NHSL2: variants seen among roughly 807,000 people sequenced by gnomAD.
NHSL2 encodes NHS-like protein 2.
A neutral mutation model predicts 53.4 loss-of-function variants in NHSL2; 27 were observed. The ratio of observed to expected loss-of-function variants is 0.51; its 90% CI spans 0.37 to 0.70. The LOEUF is 0.70. Among genes scored for constraint, NHSL2 ranks in the 30% least tolerant of loss-of-function variants. NHSL2 has a pLI of 0.00. For missense variants in NHSL2, 892 were observed against 980.1 expected (o/e 0.91, Z 1.20); for synonymous variants, 408 against 404.1 (o/e 1.01, Z -0.12).
chrX:72,107,237 C>CA (rs2147470845), intron 1 of NHSL2, among the ~76,000 whole-genome samples: 1 of 110,430 alleles, frequency 9.1e-6, no homozygotes, highest in African/African-American at 3.3e-5. Flanking sequence ...TCCTGGCTAA[C>CA]ACGGTGAAAC....
chrX:72,120,688 A>T (rs1321750724), intron 1 of NHSL2, among the ~76,000 whole-genome samples: 3 of 112,271 alleles, frequency 2.7e-5, no homozygotes, highest in Non-Finnish European at 5.6e-5. Context: ...AAGAACATAC[A>T]TATATGTCTT....
At chrX:71,926,744 C>T (rs2147818100) in intron 1 of NHSL2, among the ~76,000 whole-genome samples, 1 of 111,722 alleles carries the variant, frequency 9.0e-6, no homozygotes, top group South Asian at 3.8e-4. Context: ...TCAAATGGTG[C>T]TACTAAGTTC....
Position 72,143,286 on chromosome X carries a change from T to C in NHSL2, c.3390T>C (p.Pro1130=). The change falls in exon 8 of 8, where the codon CCT becomes CCC. Residue 1130 remains proline, a synonymous_variant. Coordinates refer to ENST00000633930, the MANE Select transcript of NHSL2 (RefSeq NM_001013627.3). ...SKRKLLGWKE[P]GEAFVGGRTS... ...GGAAGCTGCTCGGCTGGAAGGAACC[T>C]GGTGAGGCCTTTGTGGGTGGCAGAA... The C allele has an allele frequency of 8.6e-7, 1 of 1,162,529 alleles. No homozygotes were observed. The highest frequency in any genetic ancestry group is 1.1e-6 in the Non-Finnish European group (1 of 870,326).
intron 1 of NHSL2, among the ~76,000 whole-genome samples, chrX:71,938,474 G>A (rs1188381289): frequency 2.7e-5 from 3 of 112,361 alleles, no homozygotes; most frequent in African/African-American, 6.5e-5. Context: ...TGATTGCTCA[G>A]ATATCCAAGG....
chrX:72,130,487 C>T, intron 1 of NHSL2: 1 of 1,211,100 alleles, frequency 8.3e-7, no homozygotes, highest in Non-Finnish European at 1.1e-6. Flanking sequence ...TGCCTGCGTG[C>T]CTCTTGGTCT....
At chrX:72,118,464 C>T (rs777531334) in intron 1 of NHSL2, among the ~76,000 whole-genome samples, 15 of 111,838 alleles carry the variant, frequency 1.3e-4, no homozygotes, top group African/African-American at 4.5e-4. Flanking sequence ...GAGTCTCTGT[C>T]ACCCAGGCTG....
At chrX:72,048,435 A>G (rs1257501189) in intron 1 of NHSL2, among the ~76,000 whole-genome samples, 2 of 110,611 alleles carry the variant, frequency 1.8e-5, no homozygotes, top group African/African-American at 6.6e-5. Context: ...TTGTTTGGGG[A>G]AAAGTGACAG....
At chrX:72,000,668 T>C (rs989132683) in intron 1 of NHSL2, among the ~76,000 whole-genome samples, 3 of 111,164 alleles carry the variant, frequency 2.7e-5, no homozygotes, top group African/African-American at 9.8e-5. Flanking sequence ...AAAGTGGCCA[T>C]TCGAGTCTTT....
intron 1 of NHSL2, among the ~76,000 whole-genome samples, chrX:71,940,283 A>G (rs1367562917): frequency 8.9e-6 from 1 of 112,456 alleles, no homozygotes. Flanking sequence ...GGAGTTAGCT[A>G]CGAGAAATTG....
chrX:71,937,314 G>T (rs770918210), intron 1 of NHSL2, among the ~76,000 whole-genome samples: 1 of 111,694 alleles, frequency 9.0e-6, no homozygotes, highest in Admixed American at 9.5e-5. Flanking sequence ...CTTAGGAAGA[G>T]AAATCAGTAG....
chrX:72,097,943 AAC>A (rs2041956415), intron 1 of NHSL2, among the ~76,000 whole-genome samples: 1 of 112,557 alleles, frequency 8.9e-6, no homozygotes, highest in African/African-American at 3.2e-5. Context: ...GAAAGAAAAA[AAC>A]ACACAGACAC....
intron 1 of NHSL2, among the ~76,000 whole-genome samples, chrX:71,975,623 G>T (rs1387930291): frequency 9.0e-6 from 1 of 111,005 alleles, no homozygotes; most frequent in Non-Finnish European, 1.9e-5. Flanking sequence ...CCTCCTGTTG[G>T]CTCTGAGCTT....
At chrX:71,916,202 A>C (rs1183205816) in intron 1 of NHSL2, among the ~76,000 whole-genome samples, 1 of 111,840 alleles carries the variant, frequency 8.9e-6, no homozygotes, top group Non-Finnish European at 1.9e-5. Flanking sequence ...ACACACCTGC[A>C]TCCTGACTAT....
chrX:71,994,544 C>T (rs974702760), intron 1 of NHSL2, among the ~76,000 whole-genome samples: 6 of 111,279 alleles, frequency 5.4e-5, no homozygotes, highest in African/African-American at 2.0e-4. Flanking sequence ...ACAAAATAAT[C>T]TATACCTCAA....
In NHSL2 at chrX:71,950,131, G is replaced by A. The variant is rs1403704921; in HGVS notation, c.280+38764G>A. Among the ~76,000 whole-genome samples, 3 of 113,395 alleles carry A rather than the reference G, an allele frequency of 2.6e-5. No individual in the cohort carries two copies. The East Asian group carries it at 8.3e-4, about 31-fold the overall frequency. On this transcript the variant is annotated intron_variant, in intron 1 of 7. Coordinates refer to ENST00000633930, the MANE Select transcript of NHSL2 (RefSeq NM_001013627.3). ...CCAGACCTCTGCTCCATCCATCAGAGTATTTTTTTTTCCACCTGGAATCCT... is the reference window on the plus strand; with the variant it reads ...CCAGACCTCTGCTCCATCCATCAGAATATTTTTTTTTCCACCTGGAATCCT...
At chrX:71,921,386 C>T (rs1175430401) in intron 1 of NHSL2, among the ~76,000 whole-genome samples, 2 of 105,099 alleles carry the variant, frequency 1.9e-5, no homozygotes, top group Admixed American at 1.0e-4. Context: ...TGCCATTGCA[C>T]TCCAGCCTGG....
intron 1 of NHSL2, among the ~76,000 whole-genome samples, chrX:72,024,038 T>C (rs765506329): frequency 7.2e-5 from 8 of 111,659 alleles, no homozygotes; most frequent in African/African-American, 6.5e-5. Flanking sequence ...GTCCCAGGCC[T>C]AACACTGCCA....
intron 2 of NHSL2, 86 bp downstream of exon 2, chrX:72,132,320 G>C: frequency 2.3e-6 from 2 of 858,951 alleles, no homozygotes; most frequent in African/African-American, 2.1e-5. Context: ...AGAGGACAGG[G>C]ACCAGCAAGA....
chrX:72,034,870 G>T (rs1166322885), intron 1 of NHSL2, among the ~76,000 whole-genome samples: 1 of 111,289 alleles, frequency 9.0e-6, no homozygotes, highest in Non-Finnish European at 1.9e-5. Context: ...ATGAACTTTT[G>T]TTTCATGGAC....
Sources: allele counts gnomAD v4.1 joint callset (sites outside exome capture counted in the v4.1 genomes callset), GRCh38; gene constraint gnomAD v4.1.1; transcripts MANE v1.5; gene names NCBI Gene and HGNC (gene_info 2026-07-23, HGNC 2026-07-21).